VCL: variants seen among roughly 807,000 people sequenced by gnomAD.
VCL encodes vinculin, also known as epididymis luminal protein 114.
Under a neutral mutation model 125.7 loss-of-function variants are expected in VCL, and 47 were observed. The ratio of observed to expected loss-of-function variants is 0.37; its 90% CI spans 0.30 to 0.48. The LOEUF (loss-of-function observed/expected upper bound fraction) is 0.48, where lower values mean the gene tolerates loss of function less well. VCL is among the 20% of genes least tolerant of loss of function. The probability of loss-of-function intolerance (pLI) is 0.99; values close to 1 mark genes in which losing one functional copy is unlikely to be tolerated. For missense variants in VCL, 1,069 were observed against 1,455.5 expected, an observed-to-expected ratio of 0.73 and a Z score of 4.32; for synonymous variants, 458 against 514.6, an observed-to-expected ratio of 0.89 and a Z score of 1.49.
At chr10:74,061,492 A>G (rs1408122766) in intron 2 of VCL, among the ~76,000 whole-genome samples, 1 of 152,214 alleles carries the variant, frequency 6.6e-6, no homozygotes, top group Non-Finnish European at 1.5e-5. Context: ...TGAAAAACTT[A>G]TACAGTAACT....
chr10:74,067,525 A>G (rs946631333), intron 2 of VCL, among the ~76,000 whole-genome samples: 2 of 152,224 alleles, frequency 1.3e-5, no homozygotes, highest in South Asian at 2.1e-4. Context: ...TCCCCTAGGT[A>G]TATAACTAAG....
At chr10:74,037,950 T>C (rs937905316) in intron 1 of VCL, among the ~76,000 whole-genome samples, 2 of 152,130 alleles carry the variant, frequency 1.3e-5, no homozygotes, top group African/African-American at 2.4e-5. Flanking sequence ...AAAAATTCAG[T>C]TCTTCAGTTA....
intron 6 of VCL, 110 bp downstream of exon 6, chr10:74,075,013 A>C (rs1839559546): frequency 1.5e-6 from 2 of 1,349,248 alleles, no homozygotes; most frequent in Admixed American, 4.0e-5. Flanking sequence ...GCATAAGAGT[A>C]CTCAGATATT....
At chr10:74,032,624 C>G (rs562749096) in intron 1 of VCL, among the ~76,000 whole-genome samples, 3 of 151,294 alleles carry the variant, frequency 2.0e-5, no homozygotes, top group African/African-American at 7.3e-5. Flanking sequence ...CGCTTGAACC[C>G]GGGAGGCGGA....
rs1477883994 is a variant in VCL, at chr10:74,118,206, C to T, written c.*37C>T. ...AGCCTGGCTGGCACAGAAACCTCTA[C>T]TAAAAAGAAGGAAAATGATCTGAGT... On this transcript the variant is annotated 3_prime_UTR_variant, in exon 22 of 22. Coordinates refer to ENST00000211998, the MANE Select transcript of VCL (RefSeq NM_014000.3). The T allele has an allele frequency of 4.3e-6, 7 of 1,613,460 alleles. No homozygotes were observed. The highest frequency in any genetic ancestry group is 3.4e-6 in the Non-Finnish European group (4 of 1,179,794).
At position 74,109,191 on chromosome 10, in the gene VCL, G is replaced by A. The variant is rs1349956339; in HGVS notation, c.2745+35G>A. On this transcript the variant is annotated intron_variant, in intron 18 of 21. Transcript: ENST00000211998. ...GAAGCTTTTCTTGTTGAGAAAGGAT[G>A]TCTTCTCGGAAAGGATGAAGGACCA... 2.5e-6 allele frequency: 4 copies of A among 1,612,570 alleles called. No homozygotes were observed. In the South Asian group the frequency reaches 4.4e-5, roughly 18 times the overall value.
At chr10:74,058,902 T>TGTGTGCGTGTGCACGTGC (rs1841430460) in intron 2 of VCL, among the ~76,000 whole-genome samples, 1 of 152,036 alleles carries the variant, frequency 6.6e-6, no homozygotes, top group Non-Finnish European at 1.5e-5. Flanking sequence ...TGTGTGTGTG[T>TGTGTGCGTGTGCACGTGC]GTGTGCGTGT....
chr10:74,073,598 T>C (rs568818701), intron 5 of VCL, among the ~76,000 whole-genome samples: 106 of 152,204 alleles, frequency 7.0e-4, no homozygotes, highest in Non-Finnish European at 1.4e-3. Flanking sequence ...TGTGTATTAA[T>C]CCAATTTTTC....
At chr10:74,076,044 TC>T (rs1210135493) in intron 6 of VCL, 1 of 152,670 alleles carries the variant, frequency 6.6e-6, no homozygotes, top group Non-Finnish European at 1.5e-5. Flanking sequence ...AACTTTCACT[TC>T]CCTGTTATGA....
rs746968515 is a variant in VCL at position 74,071,267 on chromosome 10, A to G, written c.499+184A>G. Among the ~76,000 whole-genome samples, 6 of 152,206 alleles carry G rather than the reference A, an allele frequency of 3.9e-5. No homozygotes were observed. The highest frequency in any genetic ancestry group is 8.8e-5 in the Non-Finnish European group (6 of 68,038). On this transcript the variant is annotated intron_variant, in intron 4 of 21. Transcript: ENST00000211998. This position sits in a 1 kb window ranked among gnomAD's most constrained non-coding sequence, Gnocchi z 4.1. The stretch of plus-strand genomic sequence containing the variant: ...TGATGTCATTATCTCTGGTATCTGA[A>G]TCTGCTTTCTATATATTGCCTTGTC...
intron 1 of VCL, among the ~76,000 whole-genome samples, chr10:74,011,282 G>A (rs1840431282): frequency 6.6e-6 from 1 of 151,886 alleles, no homozygotes; most frequent in African/African-American, 2.4e-5. Flanking sequence ...AGGTAAAAAG[G>A]AACTTGTATA....
At chr10:74,007,745 C>G (rs1012909131) in intron 1 of VCL, among the ~76,000 whole-genome samples, 27 of 152,168 alleles carry the variant, frequency 1.8e-4, no homozygotes, top group South Asian at 2.1e-4. Flanking sequence ...ATCCACCTGC[C>G]TTGGCCTCCC....
At chr10:74,058,577 C>G (rs1313859066) in intron 2 of VCL, among the ~76,000 whole-genome samples, 1 of 151,534 alleles carries the variant, frequency 6.6e-6, no homozygotes, top group Non-Finnish European at 1.5e-5. Context: ...GTTACTTCCA[C>G]TCCTCCCCAA....
intron 1 of VCL, among the ~76,000 whole-genome samples, chr10:74,001,860 T>A (rs573028711): frequency 7.4e-4 from 113 of 152,320 alleles, no homozygotes; most frequent in African/African-American, 2.4e-3. Flanking sequence ...TCAGATTATT[T>A]ACATACGTAT....
chr10:74,091,284 T>G (rs1465029580), intron 10 of VCL, among the ~76,000 whole-genome samples: 1 of 152,188 alleles, frequency 6.6e-6, no homozygotes, highest in African/African-American at 2.4e-5. Flanking sequence ...GAAGAGGTAA[T>G]GAATGGTAAT....
At chr10:74,003,340 C>T (rs1031423765) in intron 1 of VCL, among the ~76,000 whole-genome samples, 1 of 152,106 alleles carries the variant, frequency 6.6e-6, no homozygotes, top group Non-Finnish European at 1.5e-5. Flanking sequence ...AGGAGAAGGG[C>T]ACAAGAAATT....
chr10:74,040,040 A>G (rs1446522427), intron 1 of VCL, among the ~76,000 whole-genome samples: 1 of 151,976 alleles, frequency 6.6e-6, no homozygotes, highest in Admixed American at 6.6e-5. Flanking sequence ...CTCCCCCTAG[A>G]TTGTTCTTGC....
chr10:74,090,965 T>C (rs1839872825), intron 10 of VCL, among the ~76,000 whole-genome samples: 1 of 152,056 alleles, frequency 6.6e-6, no homozygotes, highest in South Asian at 2.1e-4. Context: ...CATGCCTGGC[T>C]AATTTTTTTA....
chr10:74,077,121 C>T (rs934972663), intron 6 of VCL: 1 of 152,520 alleles, frequency 6.6e-6, no homozygotes, highest in African/African-American at 2.4e-5. Context: ...TGTTAGGATG[C>T]TACAAAACTA....
Sources: allele counts gnomAD v4.1 joint callset (sites outside exome capture counted in the v4.1 genomes callset), GRCh38; gene constraint gnomAD v4.1.1; non-coding constraint Gnocchi (gnomAD v3.1); transcripts MANE v1.5; gene names NCBI Gene and HGNC (gene_info 2026-07-23, HGNC 2026-07-21).